Variants in TPCN1 observed in about 807,000 individuals in gnomAD.
TPCN1 encodes the protein two pore channel protein 1.
Under a neutral mutation model 108.8 loss-of-function variants are expected in TPCN1, and 52 were observed. The ratio of observed to expected loss-of-function variants is 0.48; its 90% CI spans 0.38 to 0.60. TPCN1 has a LOEUF of 0.60. TPCN1 is among the 20% of genes least tolerant of loss of function. The pLI, the probability that TPCN1 is intolerant of heterozygous loss-of-function variation, is 0.00. For missense variants in TPCN1, 806 were observed against 1,072.8 expected (o/e 0.75, Z 3.47); for synonymous variants, 446 against 433.7 (o/e 1.03, Z -0.35).
At chr12:113,257,716 T>C (rs61943600) in intron 2 of TPCN1, among the ~76,000 whole-genome samples, 8,973 of 152,252 alleles carry the variant, frequency 0.059, 360 homozygotes, top group Middle Eastern at 0.071. Context: ...TGAATGAATG[T>C]TCATAGCAAC....
chr12:113,272,578 T>C lies in TPCN1; in HGVS notation c.749-80T>C, dbSNP rs1293092486. 2 of 1,297,838 alleles carry C rather than the reference T, an allele frequency of 1.5e-6. No individual in the cohort carries two copies. Among genetic ancestry groups the C allele is most frequent in the African/African-American group, 1.5e-5 (1 of 68,536 alleles). The allele number at this position is 1,297,838 out of a possible 1,614,324, so 80.4% of individuals were successfully genotyped here. ...CTGACCTGCTGCGTTCATTTGCATG[T>C]ATTTGTCCAGTCCTTTTGACACCAG... On this transcript the variant is annotated intron_variant, in intron 7 of 27. Coordinates refer to ENST00000335509, the MANE Select transcript of TPCN1 (RefSeq NM_017901.6). The surrounding 1 kb of genome is among the most constrained non-coding windows in gnomAD (Gnocchi z 4.1).
chr12:113,266,360 A>G lies in TPCN1; in HGVS notation c.414+4A>G. On this transcript the variant is annotated splice_donor_region_variant and intron_variant, in intron 4 of 27. Coordinates refer to ENST00000335509, the MANE Select transcript of TPCN1 (RefSeq NM_017901.6). The surrounding 1 kb of genome is among the most constrained non-coding windows in gnomAD (Gnocchi z 4.2). ...CGCACTCCGGCTTGGCATCTATGTG[A>G]GCGCACATGCTCCTCATACGGGGGG... 1 of 1,605,126 alleles carries G rather than the reference A, an allele frequency of 6.2e-7. No individual in the cohort carries two copies. Among genetic ancestry groups the G allele is most frequent in the Non-Finnish European group, 8.5e-7 (1 of 1,179,904 alleles).
Position 113,287,008 on chromosome 12 carries a change from G to C in TPCN1, c.1548G>C (p.Val516=), listed in dbSNP as rs752366766. The C allele has an allele frequency of 1.9e-6, 3 of 1,613,842 alleles. No individual in the cohort carries two copies. The South Asian group carries it at 3.3e-5, about 18-fold the overall frequency. Residue 516 remains valine, a synonymous_variant, in exon 19 of 28, where the codon GTG becomes GTC. Transcript: ENST00000335509. ...GCAGGTTTGACTTCTCCGTGACAGT[G>C]TTCGCCTTCCTGGGACTGCTGGCGC... ...GWNLFDFSVT[V]FAFLGLLALA...
chr12:113,282,712 G>A (rs61943637), intron 15 of TPCN1, among the ~76,000 whole-genome samples: 8,948 of 150,282 alleles, frequency 0.06, 361 homozygotes, highest in Middle Eastern at 0.074. Context: ...TGCCATGATC[G>A]CGCCACTGCA....
At chr12:113,223,024 C>T (rs1953313283) in intron 1 of TPCN1, among the ~76,000 whole-genome samples, 2 of 152,150 alleles carry the variant, frequency 1.3e-5, no homozygotes, top group African/African-American at 4.8e-5. Flanking sequence ...TAAACCAAAA[C>T]GACAATACAA....
At position 113,288,685 on chromosome 12, in the gene TPCN1, G is replaced by A. The variant is rs571165819; in HGVS notation, c.1707-73G>A. The A allele has an allele frequency of 1.2e-4, 195 of 1,591,184 alleles. No individual in the cohort carries two copies. The highest frequency in any genetic ancestry group is 3.1e-4 in the East Asian group (14 of 44,676). On this transcript the variant is annotated intron_variant, in intron 20 of 27. Transcript: ENST00000335509. This position sits in a 1 kb window ranked among gnomAD's most constrained non-coding sequence, Gnocchi z 4.8. ...GCCCTGCAGTCAGCCCCACGGGTCCGAGGAGGCCGGGGCTGCAGAGGAGCC... is the reference window on the plus strand; with the variant it reads ...GCCCTGCAGTCAGCCCCACGGGTCCAAGGAGGCCGGGGCTGCAGAGGAGCC...
chr12:113,278,697 G>A (rs1955758381), intron 13 of TPCN1, 75 bp from the exon 14 acceptor site: 3 of 1,253,888 alleles, frequency 2.4e-6, no homozygotes, highest in Non-Finnish European at 3.5e-6. Context: ...AGGAAAGGAA[G>A]CCAGCATCCT....
In TPCN1 at chr12:113,268,679, C is replaced by T. The variant is rs1955373477; in HGVS notation, c.529-63C>T. On this transcript the variant is annotated intron_variant, in intron 5 of 27. Transcript: ENST00000335509. This position sits in a 1 kb window ranked among gnomAD's most constrained non-coding sequence, Gnocchi z 7.3. The stretch of plus-strand genomic sequence containing the variant: ...GCACTGCCTCTCCAGCCCCCCGTTC[C>T]AGGTATGCAGGATGACGGCTGGGCT... 1 of 1,595,458 alleles carries T rather than the reference C, an allele frequency of 6.3e-7. No individual in the cohort carries two copies. Among genetic ancestry groups the T allele is most frequent in the African/African-American group, 1.3e-5 (1 of 74,658 alleles).
Position 113,272,386 on chromosome 12 carries a change from G to T in TPCN1, c.749-272G>T, listed in dbSNP as rs1049490379. Among the ~76,000 whole-genome samples the T allele has an allele frequency of 2.0e-5, 3 of 152,190 alleles. No individual in the cohort carries two copies. Among genetic ancestry groups the T allele is most frequent in the Non-Finnish European group, 4.4e-5 (3 of 68,034 alleles). ...ACTTTGAGCCAGCATTTTAAAATTA[G>T]ATTTTACACAAAAATACAGACTTCC... On this transcript the variant is annotated intron_variant, in intron 7 of 27. Transcript: ENST00000335509. This position sits in a 1 kb window ranked among gnomAD's most constrained non-coding sequence, Gnocchi z 4.1.
chr12:113,261,110 T>C (rs1955014106), intron 3 of TPCN1, among the ~76,000 whole-genome samples: 1 of 152,034 alleles, frequency 6.6e-6, no homozygotes. Context: ...GAGAATCGCA[T>C]GAGATGGAGG....
At position 113,288,580 on chromosome 12, in the gene TPCN1, G is replaced by A; in HGVS notation, c.1707-178G>A. 1.4e-6 allele frequency: 2 copies of A among 1,472,040 alleles called. No homozygotes were observed. The highest frequency in any genetic ancestry group is 2.4e-5 in the Admixed American group (1 of 42,296). The allele number at this position is 1,472,040 out of a possible 1,614,324, so 91.2% of individuals were successfully genotyped here. A position where few individuals can be genotyped will look rare whatever the true frequency, so the allele number is the denominator to read the frequency against. Reference sequence around the variant, plus strand: ...ATTTGTTCATAGCGTCCTGACTTGAGCTGTTTTTCACCCCAGAGCTGCCCC... The same window carrying A: ...ATTTGTTCATAGCGTCCTGACTTGAACTGTTTTTCACCCCAGAGCTGCCCC... On this transcript the variant is annotated intron_variant, in intron 20 of 27. Coordinates refer to ENST00000335509, the MANE Select transcript of TPCN1 (RefSeq NM_017901.6). The surrounding 1 kb of genome is among the most constrained non-coding windows in gnomAD (Gnocchi z 4.8).
intron 2 of TPCN1, among the ~76,000 whole-genome samples, chr12:113,246,672 A>T (rs1239354110): frequency 1.3e-5 from 2 of 152,232 alleles, no homozygotes; most frequent in Non-Finnish European, 2.9e-5. Context: ...GCTTCCTGAC[A>T]GCCCCGTGGT....
chr12:113,261,388 T>C (rs1007640930), intron 3 of TPCN1, among the ~76,000 whole-genome samples: 34 of 151,120 alleles, frequency 2.2e-4, no homozygotes, highest in Non-Finnish European at 4.1e-4. Context: ...TTTTATAGTC[T>C]GCTTTTTTTT....
chr12:113,273,554 C>T lies in TPCN1; in HGVS notation c.843-15C>T, dbSNP rs374260415. 5.3e-5 allele frequency: 85 copies of T among 1,605,766 alleles called. No homozygotes were observed. The highest frequency in any genetic ancestry group is 6.0e-5 in the Non-Finnish European group (70 of 1,172,494). On this transcript the variant is annotated splice_polypyrimidine_tract_variant and intron_variant, in intron 9 of 27. Transcript: ENST00000335509. This position sits in a 1 kb window ranked among gnomAD's most constrained non-coding sequence, Gnocchi z 4.0. ...AGGCAGATACAGCACGCCGGGTCAC[C>T]CTCTGCAAATACAGTTTCCCAGATG...
intron 2 of TPCN1, among the ~76,000 whole-genome samples, chr12:113,234,451 G>A (rs575628251): frequency 6.6e-6 from 1 of 152,304 alleles, no homozygotes; most frequent in South Asian, 2.1e-4. Context: ...ATCCTCTGAG[G>A]TTGTTGACTC....
intron 2 of TPCN1, among the ~76,000 whole-genome samples, chr12:113,259,919 C>A (rs2136572620): frequency 1.3e-5 from 2 of 152,300 alleles, no homozygotes; most frequent in South Asian, 2.1e-4. Flanking sequence ...GGGGACAAAT[C>A]CAGTTGTTTT....
At position 113,221,526 on chromosome 12, in the gene TPCN1, G is replaced by T. The variant is rs565508952; in HGVS notation, c.-226G>T. On this transcript the variant is annotated 5_prime_UTR_variant, in exon 1 of 28. Transcript: ENST00000335509. ...GGCGGCGGCTTCGGCGGCTGCGGCG[G>T]CTGCAACAGCTTCGGGCTCGGGGTT... 1.9e-3 allele frequency: 558 copies of T among 291,160 alleles called. 8 individuals carry two copies. Among genetic ancestry groups the T allele is most frequent in the South Asian group, 5.6e-3 (197 of 35,076 alleles). 18.0% of individuals were successfully genotyped at this position (291,160 alleles called of 1,614,324 possible). A position where few individuals can be genotyped will look rare whatever the true frequency, so the allele number is the denominator to read the frequency against.
chr12:113,253,633 A>G (rs889961259), intron 2 of TPCN1, among the ~76,000 whole-genome samples: 1 of 152,184 alleles, frequency 6.6e-6, no homozygotes, highest in Non-Finnish European at 1.5e-5. Context: ...CTTCCTTACA[A>G]AATGGTTGCT....
chr12:113,293,861 G>A (rs1196676515), intron 27 of TPCN1, among the ~76,000 whole-genome samples: 1 of 152,090 alleles, frequency 6.6e-6, no homozygotes, highest in Non-Finnish European at 1.5e-5. Context: ...GTTTTGAGAT[G>A]GAGTCTCGCT....
Sources: allele counts gnomAD v4.1 joint callset (sites outside exome capture counted in the v4.1 genomes callset), GRCh38; gene constraint gnomAD v4.1.1; non-coding constraint Gnocchi (gnomAD v3.1); transcripts MANE v1.5; gene names NCBI Gene and HGNC (gene_info 2026-07-23, HGNC 2026-07-21).